COL18A1: variants seen among roughly 807,000 people sequenced by gnomAD.
COL18A1 encodes the protein collagen alpha-1(XVIII) chain.
In COL18A1, 133 loss-of-function variants were observed where a neutral mutation model predicts 168.0. The ratio of observed to expected loss-of-function variants is 0.79; its 90% CI spans 0.69 to 0.91. The LOEUF is 0.91. Ranked by LOEUF, COL18A1 falls within the 40% of genes least tolerant of loss-of-function variation. The pLI is 0.00. For synonymous variants in COL18A1, 949 were observed against 809.0 expected, an observed-to-expected ratio of 1.17 and a Z score of -2.94; for missense variants, 2,126 against 1,925.4, an observed-to-expected ratio of 1.10 and a Z score of -1.95.
At position 45,498,004 on chromosome 21, in the gene COL18A1, C is replaced by T. The variant is rs1328918086; in HGVS notation, c.2683+343C>T. Among the ~76,000 whole-genome samples, 1 of 152,138 alleles carries T rather than the reference C, an allele frequency of 6.6e-6. No homozygotes were observed. The highest frequency in any genetic ancestry group is 1.5e-5 in the Non-Finnish European group (1 of 68,038). ...CCCTCCCCTCCACGGGGCCGGGGGT[C>T]GGCACTGGAGGACCCTCTGTCGAGA... is the stretch of plus-strand genomic sequence containing the variant. On this transcript the variant is annotated intron_variant, in intron 32 of 41. Transcript: ENST00000651438. The surrounding 1 kb of genome is among the most constrained non-coding windows in gnomAD (Gnocchi z 4.5).
In COL18A1 at chr21:45,500,995, G is replaced by GGTGT. The variant is rs1568934441; in HGVS notation, c.2684-3011_2684-3008dup. On this transcript the variant is annotated intron_variant, in intron 32 of 41. Transcript: ENST00000651438. ...GGTGTGTAGTGTGGGGGTGTGGTTT[G>GGTGT]GTGTGTGTTGGGTGTGGAGTGTGGG... 9.6e-4 allele frequency among the ~76,000 whole-genome samples: 33 copies of GGTGT among 34,444 alleles called. 1 individual carries two copies. Among genetic ancestry groups the GGTGT allele is most frequent in the East Asian group, 2.8e-3 (4 of 1,416 alleles). 22.6% of individuals were successfully genotyped at this position (34,444 alleles called of 152,430 possible).
At chr21:45,477,289 C>T (rs1013432901) in intron 6 of COL18A1, 122 bp from the exon 7 acceptor site, 1 of 742,900 alleles carries the variant, frequency 1.3e-6, no homozygotes, top group Non-Finnish European at 2.3e-6. Context: ...GGGGATCTGA[C>T]AGTGTCCAGC....
chr21:45,501,402 T>C (rs2036814896), intron 32 of COL18A1, among the ~76,000 whole-genome samples: 1 of 152,128 alleles, frequency 6.6e-6, no homozygotes, highest in Non-Finnish European at 1.5e-5. Flanking sequence ...GACCGGGGTC[T>C]GCCCCAGAGG....
At chr21:45,495,308 C>T in intron 28 of COL18A1, 50 bp from the exon 29 acceptor site, 1 of 1,486,840 alleles carries the variant, frequency 6.7e-7, no homozygotes, top group Non-Finnish European at 9.2e-7. Context: ...GGGAAGGTGT[C>T]TGGTAATCAT....
chr21:45,494,731 G>A, intron 27 of COL18A1, 131 bp from the exon 28 acceptor site: 2 of 1,284,124 alleles, frequency 1.6e-6, no homozygotes, highest in South Asian at 2.5e-5. Flanking sequence ...AGGCTGCAGT[G>A]GGCTCCTCCG....
At chr21:45,431,889 T>A (rs1387563985) in intron 2 of COL18A1, among the ~76,000 whole-genome samples, 1 of 152,058 alleles carries the variant, frequency 6.6e-6, no homozygotes, top group African/African-American at 2.4e-5. Context: ...TGGTCACTGC[T>A]CCTGCCAAGG....
chr21:45,504,377 G>A lies in COL18A1; in HGVS notation c.2728-39G>A, dbSNP rs756084687. ...TGGGAGGCCACCTGTGGCTTGTAGG[G>A]GTTCAGGGCTCCCGTGTAACAAGTG... On this transcript the variant is annotated intron_variant, in intron 33 of 41. Coordinates refer to ENST00000651438, the MANE Select transcript of COL18A1 (RefSeq NM_001379500.1). The A allele has an allele frequency of 2.5e-6, 4 of 1,598,866 alleles. No homozygotes were observed. The African/African-American group carries it at 4.0e-5, about 16-fold the overall frequency.
rs1387100353 is a variant in COL18A1, at chr21:45,499,433, CCGCGGGAACCCG to C, written c.2683+1773_2683+1784del. On this transcript the variant is annotated intron_variant, in intron 32 of 41. Transcript: ENST00000651438. ...CCAGGAACAGTGGGGTCAGAGGCTC[CCGCGGGAACCCG>C]TGTGGGCTGCCCCGCATGGCATCCC... Among the ~76,000 whole-genome samples, 131 of 151,140 alleles carry C rather than the reference CCGCGGGAACCCG, an allele frequency of 8.7e-4. 4 individuals are homozygous for C. Among genetic ancestry groups the C allele is most frequent in the African/African-American group, 2.9e-3 (119 of 41,202 alleles).
In COL18A1 at chr21:45,492,675, C is replaced by T; in HGVS notation, c.2188-12C>T. 1 of 1,611,796 alleles carries T rather than the reference C, an allele frequency of 6.2e-7. No individual in the cohort carries two copies. Among genetic ancestry groups the T allele is most frequent in the Non-Finnish European group, 8.5e-7 (1 of 1,179,528 alleles). On this transcript the variant is annotated splice_polypyrimidine_tract_variant and intron_variant, in intron 23 of 41. Transcript: ENST00000651438. Reference sequence around the variant, plus strand: ...GTGATGACCCCAGCTGACGCCGTCCCTCTTTCCCCAGGGCCGGCCGGGTTT... The same window carrying T: ...GTGATGACCCCAGCTGACGCCGTCCTTCTTTCCCCAGGGCCGGCCGGGTTT...
intron 2 of COL18A1, among the ~76,000 whole-genome samples, chr21:45,449,596 G>A (rs551587864): frequency 5.9e-5 from 9 of 152,292 alleles, no homozygotes; most frequent in East Asian, 3.9e-4. Context: ...ACTGAGCAGC[G>A]GGGGAAAGAG....
intron 20 of COL18A1, among the ~76,000 whole-genome samples, chr21:45,490,557 T>C (rs759525349): frequency 0.03 from 2,881 of 96,198 alleles, 23 homozygotes; most frequent in Middle Eastern, 0.054. Flanking sequence ...CCCTCCTGGG[T>C]CTCCGTGTGC....
intron 14 of COL18A1, 73 bp from the exon 15 acceptor site, chr21:45,482,722 A>G: frequency 6.2e-7 from 1 of 1,610,930 alleles, no homozygotes; most frequent in Non-Finnish European, 8.5e-7. Flanking sequence ...AGTTCCTGGC[A>G]GGGCGATGTG....
At chr21:45,484,247 C>T (rs2036013063) in intron 15 of COL18A1, among the ~76,000 whole-genome samples, 1 of 148,930 alleles carries the variant, frequency 6.7e-6, no homozygotes, top group Non-Finnish European at 1.5e-5. Context: ...CACACCTCTC[C>T]AGCATATGTG....
At chr21:45,460,115 GCAA>G (rs1475898969) in intron 2 of COL18A1, among the ~76,000 whole-genome samples, 4 of 147,692 alleles carry the variant, frequency 2.7e-5, no homozygotes, top group South Asian at 2.1e-4. Flanking sequence ...AGTGTGGCTA[GCAA>G]GGAGGGAGCC....
intron 27 of COL18A1, 69 bp from the exon 28 acceptor site, chr21:45,494,793 C>T (rs1568926894): frequency 2.1e-6 from 3 of 1,450,064 alleles, no homozygotes; most frequent in Middle Eastern, 1.7e-4. Context: ...TCCCCTTCCC[C>T]AGGACCCCCC....
At chr21:45,494,984 C>T (rs1185147122) in intron 28 of COL18A1, 69 bp downstream of exon 28, 11 of 1,380,726 alleles carry the variant, frequency 8.0e-6, no homozygotes, top group South Asian at 2.4e-5. Context: ...CCCAGGCCCA[C>T]GGGGGTGACA....
rs1053190521 is a variant in COL18A1, at chr21:45,473,487, C to T, written c.652-408C>T. Among the ~76,000 whole-genome samples, 3 of 152,298 alleles carry T rather than the reference C, an allele frequency of 2.0e-5. No individual in the cohort carries two copies. Among genetic ancestry groups the T allele is most frequent in the East Asian group, 1.9e-4 (1 of 5,166 alleles). ...GTTGGTCCGAGTCGGGAGATGAGGC[C>T]GCCTGGTGCTTGCGTAAAGCTCCCG... On this transcript the variant is annotated intron_variant, in intron 3 of 41. Transcript: ENST00000651438. The surrounding 1 kb of genome is among the most constrained non-coding windows in gnomAD (Gnocchi z 4.0).
At chr21:45,506,238 A>C in intron 37 of COL18A1, 1 of 481,924 alleles carries the variant, frequency 2.1e-6, no homozygotes. Flanking sequence ...AACGTTTACA[A>C]AGATAAATGT....
At chr21:45,410,490 T>C (rs1478831657) in intron 2 of COL18A1, among the ~76,000 whole-genome samples, 1 of 152,002 alleles carries the variant, frequency 6.6e-6, no homozygotes, top group African/African-American at 2.4e-5. Flanking sequence ...GGAAGGCCAG[T>C]GGGAACGGCA....
Sources: gnomAD v4.1 joint callset for allele counts (sites outside exome capture counted in the v4.1 genomes callset) on GRCh38, gnomAD v4.1.1 for gene constraint, Gnocchi (gnomAD v3.1) non-coding constraint, MANE v1.5 for transcripts, NCBI Gene and HGNC (gene_info 2026-07-23, HGNC 2026-07-21) for gene names.